The following ANKLE2 variants were observed in gnomAD, a reference collection of about 807,000 sequenced individuals.
The protein encoded by ANKLE2 is ankyrin repeat and LEM domain containing 2.
ANKLE2 carries 55 observed loss-of-function variants against 84.2 expected under a neutral mutation model. The observed-to-expected ratio is 0.65, with a 90% confidence interval of 0.53 to 0.82. The LOEUF (loss-of-function observed/expected upper bound fraction) is 0.82. Ranked by LOEUF, ANKLE2 falls within the 40% of genes least tolerant of loss-of-function variation. The pLI, the probability that ANKLE2 is intolerant of heterozygous loss-of-function variation, is 0.00. For missense variants in ANKLE2, 1,238 were observed against 1,201.9 expected (o/e 1.03, Z -0.44); for synonymous variants, 551 against 486.1 (o/e 1.13, Z -1.76).
At chr12:132,731,372 G>A (rs577363435) in intron 10 of ANKLE2, 21 of 152,306 alleles carry the variant, frequency 1.4e-4, no homozygotes, top group South Asian at 6.2e-4. Flanking sequence ...GTCACAGGTC[G>A]TGACTGTTGA....
intron 6 of ANKLE2, 192 bp from the exon 7 acceptor site, chr12:132,741,677 A>G (rs2044126132): frequency 1.5e-6 from 1 of 670,780 alleles, no homozygotes; most frequent in Non-Finnish European, 2.7e-6. Flanking sequence ...GACAGCTAGG[A>G]GAACACACTC....
At chr12:132,753,550 C>T (rs1312335304) in intron 2 of ANKLE2, among the ~76,000 whole-genome samples, 3 of 151,882 alleles carry the variant, frequency 2.0e-5, no homozygotes, top group Non-Finnish European at 4.4e-5. Flanking sequence ...CAGATCACGA[C>T]GTCAGGGGTT....
chr12:132,730,278 G>A lies in ANKLE2; in HGVS notation c.1892-8C>T, dbSNP rs1270998583. The A allele has an allele frequency of 1.9e-6, 3 of 1,547,328 alleles. No homozygotes were observed. The highest frequency in any genetic ancestry group is 2.7e-5 in the African/African-American group (2 of 73,048). Reference sequence around the variant, plus strand: ...CGGAAATGGAATTGCTGCCTGTGAGGACAACAAGGAGCACTTCAGTGATGG... The same window carrying A: ...CGGAAATGGAATTGCTGCCTGTGAGAACAACAAGGAGCACTTCAGTGATGG... On this transcript the variant is annotated splice_polypyrimidine_tract_variant and splice_region_variant and intron_variant, in intron 10 of 12. Coordinates refer to ENST00000357997, the MANE Select transcript of ANKLE2 (RefSeq NM_015114.3).
At chr12:132,740,796 G>A (rs2044104335) in intron 7 of ANKLE2, among the ~76,000 whole-genome samples, 1 of 120,094 alleles carries the variant, frequency 8.3e-6, no homozygotes, top group Non-Finnish European at 2.0e-5. Context: ...CTGACTAGAA[G>A]AGGGCGGCCC....
intron 1 of ANKLE2, chr12:132,760,558 G>A (rs965017263): frequency 6.6e-6 from 1 of 152,222 alleles, no homozygotes; most frequent in Non-Finnish European, 1.5e-5. Flanking sequence ...GCGGTAATTT[G>A]CTAGAGTGGC....
In ANKLE2 at chr12:132,755,054, G is replaced by C. The variant is rs370811042; in HGVS notation, c.261C>G (p.Ala87=). ...ATGTAATGGGTCCACATTTCAATCC[G>C]GCTTTGACGATTTCTTCTCTAAGGT... ...PDDLREEIVK[A]GLKCGPITST... is the part of the protein sequence containing the mutation. Residue 87 remains alanine (A), a synonymous_variant, in exon 2 of 13, where the codon GCC becomes GCG. Transcript: ENST00000357997. The C allele has an allele frequency of 1.6e-4, 266 of 1,613,930 alleles. 1 individual carries two copies. In the African/African-American group the frequency reaches 3.1e-3, roughly 19 times the overall value.
chr12:132,731,860 CTG>C (rs1386570841), intron 10 of ANKLE2: 1 of 152,098 alleles, frequency 6.6e-6, no homozygotes, highest in African/African-American at 2.4e-5. Flanking sequence ...TTCAGTGCAT[CTG>C]TGCTTTGGAA....
At chr12:132,744,870 C>A (rs917226895) in intron 5 of ANKLE2, among the ~76,000 whole-genome samples, 5 of 152,132 alleles carry the variant, frequency 3.3e-5, no homozygotes, top group African/African-American at 1.2e-4. Flanking sequence ...TTAGTAGAGA[C>A]GGGGTTTCAC....
rs867436796 is a variant in ANKLE2, at chr12:132,759,570, C to T, written c.181+2048G>A. ...TACACGTATCATATGCCATGATATA[C>T]GTATATTATACATCATATATAAAAA... On this transcript the variant is annotated intron_variant, in intron 1 of 12. Transcript: ENST00000357997. 6 of 152,050 alleles carry T rather than the reference C, an allele frequency of 3.9e-5. No homozygotes were observed. In the East Asian group the frequency reaches 5.8e-4, roughly 15 times the overall value. The allele number at this position is 152,050 out of a possible 1,614,324, so 9.4% of individuals were successfully genotyped here.
intron 7 of ANKLE2, chr12:132,738,605 A>C (rs1238456881): frequency 1.3e-5 from 2 of 150,546 alleles, no homozygotes; most frequent in East Asian, 3.9e-4. Flanking sequence ...GCTCACTGCA[A>C]GCTCCACCTC....
chr12:132,754,880 T>G lies in ANKLE2; in HGVS notation c.435A>C (p.Pro145=), dbSNP rs2044443140. Residue 145 remains proline, a synonymous_variant, in exon 2 of 13, where the codon CCA becomes CCC. Transcript: ENST00000357997. ...CTTCAGAAAAACCAGCCTGATCAGT[T>G]GGGTTCCCTTCAGCTGGCTTCAAAA... is the stretch of plus-strand genomic sequence containing the variant. ...QRILKPAEGN[P]TDQAGFSEDR... 4 of 1,614,056 alleles carry G rather than the reference T, an allele frequency of 2.5e-6. No homozygotes were observed. The highest frequency in any genetic ancestry group is 3.4e-6 in the Non-Finnish European group (4 of 1,180,026).
chr12:132,742,932 A>C (rs141456416), intron 6 of ANKLE2, among the ~76,000 whole-genome samples: 170 of 152,092 alleles, frequency 1.1e-3, no homozygotes, highest in African/African-American at 3.9e-3. Flanking sequence ...AGGAAAATAA[A>C]ATCAGCAAAC....
intron 1 of ANKLE2, chr12:132,760,675 G>A (rs184427135): frequency 1.6e-4 from 25 of 152,440 alleles, no homozygotes; most frequent in African/African-American, 6.0e-4. Flanking sequence ...GGAAGCGCTT[G>A]GAAATTCAGG....
chr12:132,746,725 A>G (rs1257477294), intron 5 of ANKLE2, among the ~76,000 whole-genome samples: 1 of 152,194 alleles, frequency 6.6e-6, no homozygotes, highest in Non-Finnish European at 1.5e-5. Context: ...TTCAAGCCTC[A>G]CATTACCTCA....
intron 1 of ANKLE2, chr12:132,756,587 T>G (rs902220588): frequency 6.6e-6 from 1 of 150,984 alleles, no homozygotes; most frequent in African/African-American, 2.4e-5. Context: ...TGAATTTAAG[T>G]TTCTACAGGG....
At chr12:132,738,364 TGTC>T (rs1290607067) in intron 7 of ANKLE2, 2 of 152,198 alleles carry the variant, frequency 1.3e-5, no homozygotes, top group Non-Finnish European at 2.9e-5. Flanking sequence ...TATAGGATAG[TGTC>T]GTGAGGTTCT....
chr12:132,754,978 G>C lies in ANKLE2; in HGVS notation c.337C>G (p.Gln113Glu). The change falls in exon 2 of 13, where the codon CAA becomes GAA. Residue 113 changes from glutamine to glutamate, a missense_variant. Gln to Glu is a conservative substitution (Grantham distance 29). Around this residue, in one of 3 missense-constraint regions of ANKLE2, gnomAD observed 422 missense variants for 394.5 expected, o/e 1.07. Coordinates refer to ENST00000357997, the MANE Select transcript of ANKLE2 (RefSeq NM_015114.3). ...TAGAAAGAAGACAGCCTTCCTCCTT[G>C]CTCCAGTAAAGCCTGAGCCAATTTT... ...EKKLAQALLE[Q>E]GGRLSSFYHH... is the part of the protein sequence containing the mutation. The C allele has an allele frequency of 6.2e-7, 1 of 1,614,174 alleles. No individual in the cohort carries two copies. Among genetic ancestry groups the C allele is most frequent in the South Asian group, 1.1e-5 (1 of 91,080 alleles).
intron 5 of ANKLE2, among the ~76,000 whole-genome samples, chr12:132,744,710 T>C (rs886567689): frequency 6.6e-6 from 1 of 152,124 alleles, no homozygotes; most frequent in Non-Finnish European, 1.5e-5. Context: ...AGACAGAGTC[T>C]CACTCTGTCG....
chr12:132,732,450 GA>G (rs573849266), intron 10 of ANKLE2, among the ~76,000 whole-genome samples: 272 of 145,676 alleles, frequency 1.9e-3, no homozygotes, highest in African/African-American at 6.1e-3. Context: ...TGCACCGTGT[GA>G]AGCTCTCTGC....
Sources: allele counts gnomAD v4.1 joint callset (sites outside exome capture counted in the v4.1 genomes callset), GRCh38; gene constraint gnomAD v4.1.1; regional missense constraint gnomAD v4.1.1; transcripts MANE v1.5; gene names NCBI Gene and HGNC (gene_info 2026-07-23, HGNC 2026-07-21).